GRM8: variants seen among roughly 807,000 people sequenced by gnomAD.
GRM8 encodes metabotropic glutamate receptor 8.
In GRM8, 47 loss-of-function variants were observed where a neutral mutation model predicts 87.2. The observed-to-expected ratio is 0.54, with a 90% CI of 0.43 to 0.69. The LOEUF is 0.69. Among genes scored for constraint, GRM8 ranks in the 30% least tolerant of loss-of-function variants. GRM8 has a pLI of 0.00. For synonymous variants in GRM8, 396 were observed against 404.5 expected (o/e 0.98, Z 0.25); for missense variants, 1,019 against 1,139.2 (o/e 0.89, Z 1.52).
chr7:126,729,606 A>ATTGTG (rs1813378731), intron 7 of GRM8, among the ~76,000 whole-genome samples: 1 of 152,072 alleles, frequency 6.6e-6, no homozygotes, highest in Non-Finnish European at 1.5e-5. Flanking sequence ...CAAAACATTA[A>ATTGTG]TTGTGTTTTC....
At position 126,625,291 on chromosome 7, in the gene GRM8, C is replaced by T. The variant is rs190291684; in HGVS notation, c.1358-15793G>A. Among the ~76,000 whole-genome samples, 278 of 152,204 alleles carry T rather than the reference C, an allele frequency of 1.8e-3. 1 individual carries two copies. Among genetic ancestry groups the T allele is most frequent in the African/African-American group, 6.4e-3 (264 of 41,540 alleles). ...GACTTGAGAAAGTGTAATCATTCTT[C>T]AGAATTGCACTGGATAAGTATCCAT... On this transcript the variant is annotated intron_variant, in intron 7 of 10. Coordinates refer to ENST00000339582, the MANE Select transcript of GRM8 (RefSeq NM_000845.3).
At chr7:126,785,643 A>G (rs1820545127) in intron 6 of GRM8, among the ~76,000 whole-genome samples, 1 of 151,658 alleles carries the variant, frequency 6.6e-6, no homozygotes, top group African/African-American at 2.4e-5. Flanking sequence ...ATCCTTTTTC[A>G]TCCTGTTCTC....
Position 126,788,409 on chromosome 7 carries a change from C to CAAA in GRM8, c.1157-18347_1157-18345dup, listed in dbSNP as rs67131936. ...TGGGTATCAGAGCAAGACTCCATCT[C>CAAA]AAAAAAAAAAAAAACCCTTTCAGAT... On this transcript the variant is annotated intron_variant, in intron 6 of 10. Coordinates refer to ENST00000339582, the MANE Select transcript of GRM8 (RefSeq NM_000845.3). Among the ~76,000 whole-genome samples, 18 of 10,794 alleles carry CAAA rather than the reference C, an allele frequency of 1.7e-3. 5 individuals are homozygous for CAAA. In the East Asian group the frequency reaches 0.02, roughly 12 times the overall value. 7.1% of individuals were successfully genotyped at this position (10,794 alleles called of 152,430 possible).
intron 7 of GRM8, among the ~76,000 whole-genome samples, chr7:126,665,223 C>T (rs1163596041): frequency 6.6e-6 from 1 of 152,154 alleles, no homozygotes; most frequent in Non-Finnish European, 1.5e-5. Context: ...AACAGAGCTA[C>T]CAATCAACCC....
intron 3 of GRM8, among the ~76,000 whole-genome samples, chr7:127,096,774 C>T (rs1824698933): frequency 6.6e-6 from 1 of 152,210 alleles, no homozygotes; most frequent in Non-Finnish European, 1.5e-5. Context: ...TTCTTAACCA[C>T]TCCCCAGTGC....
intron 2 of GRM8, among the ~76,000 whole-genome samples, chr7:127,177,607 G>A (rs1396519166): frequency 6.6e-6 from 1 of 152,142 alleles, no homozygotes; most frequent in African/African-American, 2.4e-5. Context: ...GAACACCCCT[G>A]CCACCTCCAC....
At chr7:126,912,567 T>C (rs1803428600) in intron 3 of GRM8, among the ~76,000 whole-genome samples, 1 of 152,130 alleles carries the variant, frequency 6.6e-6, no homozygotes, top group African/African-American at 2.4e-5. Flanking sequence ...ATACAATGAA[T>C]CATCAGACTT....
In GRM8 at chr7:126,710,277, T is replaced by C. The variant is rs544613813; in HGVS notation, c.1357+59588A>G. On this transcript the variant is annotated intron_variant, in intron 7 of 10. Coordinates refer to ENST00000339582, the MANE Select transcript of GRM8 (RefSeq NM_000845.3). Reference sequence around the variant, plus strand: ...TGAAGGTTGGAATTGTGTGGCAATTTCATAAACGAGACAACAATAAAGTAC... The same window carrying C: ...TGAAGGTTGGAATTGTGTGGCAATTCCATAAACGAGACAACAATAAAGTAC... 3.9e-5 allele frequency among the ~76,000 whole-genome samples: 6 copies of C among 152,174 alleles called. No homozygotes were observed. In the South Asian group the frequency reaches 1.2e-3, roughly 32 times the overall value.
chr7:126,646,765 T>G (rs1039075748), intron 7 of GRM8, among the ~76,000 whole-genome samples: 10 of 152,248 alleles, frequency 6.6e-5, no homozygotes, highest in African/African-American at 1.9e-4. Context: ...ATATAATCCA[T>G]GTAAAGTGCT....
chr7:127,167,441 G>T (rs1479975722), intron 2 of GRM8, among the ~76,000 whole-genome samples: 1 of 151,926 alleles, frequency 6.6e-6, no homozygotes, highest in East Asian at 1.9e-4. Context: ...GCACTTTACA[G>T]ATATTCCATT....
chr7:126,986,475 G>A (rs556004748), intron 3 of GRM8, among the ~76,000 whole-genome samples: 1 of 152,186 alleles, frequency 6.6e-6, no homozygotes, highest in African/African-American at 2.4e-5. Flanking sequence ...AGTTACTAAA[G>A]CCCAAATTAT....
intron 9 of GRM8, among the ~76,000 whole-genome samples, chr7:126,495,575 T>C (rs1808604183): frequency 1.3e-5 from 2 of 152,066 alleles, no homozygotes; most frequent in South Asian, 4.1e-4. Flanking sequence ...ATTTCCAGTT[T>C]GGGTAAGGGA....
chr7:127,086,710 T>C (rs1029354583), intron 3 of GRM8, among the ~76,000 whole-genome samples: 1 of 152,240 alleles, frequency 6.6e-6, no homozygotes, highest in Non-Finnish European at 1.5e-5. Flanking sequence ...GCAACTGTTG[T>C]GTCCGTCTCC....
intron 6 of GRM8, among the ~76,000 whole-genome samples, chr7:126,812,829 C>T (rs1793429426): frequency 1.3e-5 from 2 of 152,028 alleles, no homozygotes; most frequent in African/African-American, 2.4e-5. Context: ...TGCAGTAGTA[C>T]ATGACTTTGG....
At chr7:127,013,221 C>T (rs759818975) in intron 3 of GRM8, among the ~76,000 whole-genome samples, 4 of 152,150 alleles carry the variant, frequency 2.6e-5, no homozygotes, top group African/African-American at 7.2e-5. Context: ...AGCAGAGAGG[C>T]GGCCAGTTTC....
intron 2 of GRM8, among the ~76,000 whole-genome samples, chr7:127,120,287 T>G (rs1295612938): frequency 1.3e-5 from 2 of 152,326 alleles, no homozygotes; most frequent in East Asian, 3.9e-4. Context: ...AAAAATTAAA[T>G]TTAAGGTCCA....
intron 8 of GRM8, among the ~76,000 whole-genome samples, chr7:126,551,041 TATAAC>T (rs1292187266): frequency 6.6e-6 from 1 of 151,780 alleles, no homozygotes; most frequent in Non-Finnish European, 1.5e-5. Context: ...AAAATAATAA[TATAAC>T]ATAATATAAT....
intron 6 of GRM8, among the ~76,000 whole-genome samples, chr7:126,833,451 T>C (rs143772374): frequency 5.9e-5 from 9 of 152,308 alleles, no homozygotes; most frequent in African/African-American, 2.2e-4. Context: ...ATGCCATAGA[T>C]CAGATGGCTT....
intron 2 of GRM8, among the ~76,000 whole-genome samples, chr7:127,169,831 G>T (rs565088691): frequency 6.6e-6 from 1 of 152,264 alleles, no homozygotes; most frequent in African/African-American, 2.4e-5. Context: ...TCTGTTTACA[G>T]CATGATTTAC....
Sources: allele counts gnomAD v4.1 joint callset (sites outside exome capture counted in the v4.1 genomes callset), GRCh38; gene constraint gnomAD v4.1.1; transcripts MANE v1.5; gene names NCBI Gene and HGNC (gene_info 2026-07-23, HGNC 2026-07-21).